DCAF15: variants seen among roughly 807,000 people sequenced by gnomAD.
DCAF15 encodes the protein DDB1- and CUL4-associated factor 15.
Under a neutral mutation model 68.0 loss-of-function variants are expected in DCAF15, and 24 were observed. That is an observed-to-expected ratio of 0.35 (90% CI 0.26 to 0.50). The LOEUF is 0.50. DCAF15 is among the 20% of genes least tolerant of loss of function. DCAF15 has a pLI of 0.98. For missense variants in DCAF15, 627 were observed against 830.6 expected, an observed-to-expected ratio of 0.75 and a Z score of 3.01; for synonymous variants, 376 against 341.6, an observed-to-expected ratio of 1.10 and a Z score of -1.11.
At chr19:13,955,880 G>T in intron 3 of DCAF15, 32 bp from the exon 4 acceptor site, 1 of 1,610,860 alleles carries the variant, frequency 6.2e-7, no homozygotes, top group East Asian at 2.2e-5. Context: ...CAGTTTCCCT[G>T]ACCCGGTGCT....
rs368565507 is a variant in DCAF15, at chr19:13,960,406, G to C, written c.1631+15G>C. 180 of 1,613,398 alleles carry C rather than the reference G, an allele frequency of 1.1e-4. No homozygotes were observed. The highest frequency in any genetic ancestry group is 1.5e-4 in the Non-Finnish European group (172 of 1,179,776). On this transcript the variant is annotated intron_variant, in intron 11 of 12. Transcript: ENST00000254337. ...GGGCAGACCAGGTGAGGCAGGGCTG[G>C]GGGGCAGGGTCAGGGCGCGGCCAAG...
chr19:13,956,273 C>T lies in DCAF15; in HGVS notation c.613+11C>T, dbSNP rs748396051. The T allele has an allele frequency of 6.8e-6, 11 of 1,611,662 alleles. No homozygotes were observed. The South Asian group carries it at 7.7e-5, about 11-fold the overall frequency. ...GCCGAGCCCACCCAGGTGAGGGGGCCGAGGGGGCGAGGGCCTCTTCCCCCC... is the reference window on the plus strand; with the variant it reads ...GCCGAGCCCACCCAGGTGAGGGGGCTGAGGGGGCGAGGGCCTCTTCCCCCC... On this transcript the variant is annotated intron_variant, in intron 5 of 12. Coordinates refer to ENST00000254337, the MANE Select transcript of DCAF15 (RefSeq NM_138353.4).
intron 1 of DCAF15, chr19:13,953,242 G>T: frequency 9.0e-7 from 1 of 1,110,988 alleles, no homozygotes; most frequent in South Asian, 1.6e-5. Flanking sequence ...CCCAGAGCTG[G>T]GGGATGATGT....
intron 8 of DCAF15, 21 bp from the exon 9 acceptor site, chr19:13,959,744 TGC>T: frequency 6.2e-7 from 1 of 1,613,372 alleles, no homozygotes; most frequent in Non-Finnish European, 8.5e-7. Flanking sequence ...CACCGTCCCC[TGC>T]GCCTACCCAC....
Position 13,960,979 on chromosome 19 carries a change from C to T in DCAF15, c.1787C>T (p.Thr596Met), listed in dbSNP as rs779218847. 16 of 1,613,898 alleles carry T rather than the reference C, an allele frequency of 9.9e-6. No individual in the cohort carries two copies. Among genetic ancestry groups the T allele is most frequent in the South Asian group, 6.6e-5 (6 of 91,084 alleles). ...GTTCTGGCGGACAGCGAGCGATATA[C>T]GTGGATCGTGCTGTGAGGGCCAGGC... Reference protein sequence around the residue: ...LKVLADSERYTWIVL With the variant: ...LKVLADSERYMWIVL Residue 596 changes from threonine to methionine, a missense_variant, in exon 13 of 13, where the codon ACG (threonine) becomes ATG (methionine). Transcript: ENST00000254337.
At chr19:13,955,882 C>G in intron 3 of DCAF15, 30 bp from the exon 4 acceptor site, 1 of 1,610,790 alleles carries the variant, frequency 6.2e-7, no homozygotes, top group Non-Finnish European at 8.5e-7. Context: ...GTTTCCCTGA[C>G]CCGGTGCTGC....
rs1487397034 is a variant in DCAF15, at chr19:13,956,298, C to A, written c.613+36C>A. The A allele has an allele frequency of 5.0e-6, 8 of 1,611,496 alleles. No individual in the cohort carries two copies. In the South Asian group the frequency reaches 7.7e-5, roughly 16 times the overall value. The stretch of plus-strand genomic sequence containing the variant: ...CGAGGGGGCGAGGGCCTCTTCCCCC[C>A]TCCCCCCCTTGCTCCGGGCCGAGAG... On this transcript the variant is annotated intron_variant, in intron 5 of 12. Coordinates refer to ENST00000254337, the MANE Select transcript of DCAF15 (RefSeq NM_138353.4).
chr19:13,953,946 G>A (rs1297389630), intron 1 of DCAF15, among the ~76,000 whole-genome samples: 4 of 152,170 alleles, frequency 2.6e-5, no homozygotes, highest in Non-Finnish European at 4.4e-5. Flanking sequence ...TCAGGACTCT[G>A]TCCCAGCCTC....
intron 1 of DCAF15, chr19:13,953,165 C>T: frequency 6.5e-7 from 1 of 1,533,114 alleles, no homozygotes; most frequent in South Asian, 1.2e-5. Context: ...CTGGATAGGG[C>T]TGAGTCTTCC....
intron 6 of DCAF15, among the ~76,000 whole-genome samples, chr19:13,958,357 G>T (rs904605275): frequency 9.2e-5 from 14 of 152,064 alleles, no homozygotes; most frequent in Admixed American, 7.9e-4. Context: ...TGGTGGAGGG[G>T]AGCCCGTACT....
At chr19:13,952,909 G>T (rs1419425718) in intron 1 of DCAF15, 2 of 839,822 alleles carry the variant, frequency 2.4e-6, no homozygotes, top group Admixed American at 3.0e-5. Context: ...CAGGGAGGGG[G>T]CTCGGAGGGA....
chr19:13,960,363 G>C lies in DCAF15; in HGVS notation c.1603G>C (p.Asp535His). The change falls in exon 11 of 13, where the codon GAC (aspartate) becomes CAC (histidine). Residue 535 changes from aspartate (D) to histidine (H), a missense_variant. Asp to His is a moderately conservative substitution (Grantham distance 81). Transcript: ENST00000254337. ...TGIFETVSVGDLTEVKGQTSG... is the reference protein window; with the variant it reads ...TGIFETVSVGHLTEVKGQTSG... ...GATCTTCGAGACAGTCAGTGTAGGCGACCTGACTGAGGTCAAAGGGCAGAC... is the reference window on the plus strand; with the variant it reads ...GATCTTCGAGACAGTCAGTGTAGGCCACCTGACTGAGGTCAAAGGGCAGAC... 1 of 1,613,966 alleles carries C rather than the reference G, an allele frequency of 6.2e-7. No homozygotes were observed. Among genetic ancestry groups the C allele is most frequent in the South Asian group, 1.1e-5 (1 of 91,070 alleles).
intron 6 of DCAF15, 53 bp downstream of exon 6, chr19:13,956,575 C>A: frequency 2.5e-6 from 4 of 1,588,228 alleles, no homozygotes; most frequent in South Asian, 1.1e-5. Context: ...GGGTCCTCTC[C>A]CTACCCCACC....
intron 6 of DCAF15, 148 bp downstream of exon 6, chr19:13,956,670 A>G (rs1973378061): frequency 1.0e-6 from 1 of 955,194 alleles, no homozygotes; most frequent in African/African-American, 1.6e-5. Flanking sequence ...CTGCGGTCCA[A>G]ATGTGGCCAC....
rs1973621587 is a variant in DCAF15 at position 13,961,184 on chromosome 19, T to G, written c.*189T>G. The G allele has an allele frequency of 1.5e-6, 1 of 670,918 alleles. No homozygotes were observed. Among genetic ancestry groups the G allele is most frequent in the Non-Finnish European group, 2.5e-6 (1 of 396,168 alleles). 41.6% of individuals were successfully genotyped at this position (670,918 alleles called of 1,614,324 possible). A position where few individuals can be genotyped will look rare whatever the true frequency, so the allele number is the denominator to read the frequency against. ...GGTCTGGACGCTTTTTATTTATGCC[T>G]ATTTAAGTTGGGAAGGGGCAGAGAG... On this transcript the variant is annotated 3_prime_UTR_variant, in exon 13 of 13. Coordinates refer to ENST00000254337, the MANE Select transcript of DCAF15 (RefSeq NM_138353.4).
In DCAF15 at chr19:13,959,653, C is replaced by A; in HGVS notation, c.1291C>A (p.Arg431=). The A allele has an allele frequency of 6.2e-7, 1 of 1,613,390 alleles. No homozygotes were observed. The highest frequency in any genetic ancestry group is 1.1e-5 in the South Asian group (1 of 91,084). Residue 431 remains arginine, a synonymous_variant, in exon 8 of 13, where the codon CGG becomes AGG. Transcript: ENST00000254337. ...TCGTGGCCGCAACCTGCGGCCCATG[C>A]GGGAGCGGACTGCTGTCCAGGTGGG... is the stretch of plus-strand genomic sequence containing the variant. ...DLRGRNLRPM[R]ERTAVQGQYL... is the part of the protein sequence containing the mutation.
At chr19:13,960,803 A>G in intron 12 of DCAF15, 137 bp from the exon 13 acceptor site, 1 of 1,108,092 alleles carries the variant, frequency 9.0e-7, no homozygotes, top group Non-Finnish European at 1.3e-6. Flanking sequence ...GGGTAGCTGC[A>G]GGCTAGAGGT....
chr19:13,952,521 C>A lies in DCAF15; in HGVS notation c.9C>A (p.Pro3=). Reference sequence around the variant, plus strand: ...GGAGGGAGGGGGTGAAAATGGCGCCCAGCTCGAAATCGGAGCGGAACAGCG... The same window carrying A: ...GGAGGGAGGGGGTGAAAATGGCGCCAAGCTCGAAATCGGAGCGGAACAGCG... MA[P]SSKSERNSGA... is the part of the protein sequence containing the mutation. The change falls in exon 1 of 13, where the codon CCC becomes CCA. Residue 3 remains proline, a synonymous_variant. Coordinates refer to ENST00000254337, the MANE Select transcript of DCAF15 (RefSeq NM_138353.4). 1 of 1,250,454 alleles carries A rather than the reference C, an allele frequency of 8.0e-7. No individual in the cohort carries two copies. Among genetic ancestry groups the A allele is most frequent in the Non-Finnish European group, 1.0e-6 (1 of 990,514 alleles). The allele number at this position is 1,250,454 out of a possible 1,614,324, so 77.5% of individuals were successfully genotyped here.
At position 13,956,183 on chromosome 19, in the gene DCAF15, T is replaced by G. The variant is rs532491107; in HGVS notation, c.534T>G (p.Arg178=). 1.2e-6 allele frequency: 2 copies of G among 1,611,158 alleles called. No homozygotes were observed. Among genetic ancestry groups the G allele is most frequent in the Non-Finnish European group, 1.7e-6 (2 of 1,179,378 alleles). The change falls in exon 5 of 13, where the codon CGT becomes CGG. Residue 178 remains arginine (R), a synonymous_variant. Transcript: ENST00000254337. ...TGATGATGAGTGACGAGAACCACCG[T>G]GACATCTACGTCAGCACCGTGGCCG... is the stretch of plus-strand genomic sequence containing the variant. The part of the protein sequence containing the change: ...NMMMMSDENH[R]DIYVSTVAVP...
Sources: gnomAD v4.1 joint callset for allele counts (sites outside exome capture counted in the v4.1 genomes callset) on GRCh38, gnomAD v4.1.1 for gene constraint, MANE v1.5 for transcripts, NCBI Gene and HGNC (gene_info 2026-07-23, HGNC 2026-07-21) for gene names.